The following OTOG variants were observed in gnomAD, a reference collection of about 807,000 sequenced individuals.
OTOG encodes otogelin.
Under a neutral mutation model 313.8 loss-of-function variants are expected in OTOG, and 296 were observed. The ratio of observed to expected loss-of-function variants is 0.94; its 90% CI spans 0.86 to 1.04. The LOEUF is 1.04. OTOG is among the 50% of genes least tolerant of loss of function. The pLI is 0.00. For synonymous variants in OTOG, 1,533 were observed against 1,554.9 expected (o/e 0.99, Z 0.33); for missense variants, 3,948 against 3,840.1 (o/e 1.03, Z -0.74).
At chr11:17,586,121 G>T (rs1188580860) in intron 23 of OTOG, among the ~76,000 whole-genome samples, 1 of 152,182 alleles carries the variant, frequency 6.6e-6, no homozygotes, top group Non-Finnish European at 1.5e-5. Context: ...AACAACCTGG[G>T]TAGGAGGGTC....
At chr11:17,639,528 TCC>T in intron 49 of OTOG, 65 bp downstream of exon 49, 1 of 1,482,638 alleles carries the variant, frequency 6.7e-7, no homozygotes, top group Non-Finnish European at 9.2e-7. Flanking sequence ...CTCTATCCCC[TCC>T]TCTAGAGAAT....
intron 24 of OTOG, 134 bp from the exon 25 acceptor site, chr11:17,591,316 T>C (rs1852926545): frequency 8.1e-7 from 1 of 1,228,016 alleles, no homozygotes; most frequent in African/African-American, 1.5e-5. Flanking sequence ...AGGCTCCTGT[T>C]AGAGGTTGGT....
chr11:17,607,099 A>G (rs773536784), intron 33 of OTOG, among the ~76,000 whole-genome samples: 1 of 152,228 alleles, frequency 6.6e-6, no homozygotes, highest in African/African-American at 2.4e-5. Context: ...CTTCACCTGT[A>G]GAATGGGGAT....
At chr11:17,603,315 T>G (rs1016489537) in intron 32 of OTOG, among the ~76,000 whole-genome samples, 13 of 152,124 alleles carry the variant, frequency 8.5e-5, no homozygotes, top group African/African-American at 3.1e-4. Flanking sequence ...GATCCCCAGA[T>G]CCATGCATTC....
chr11:17,635,174 C>T lies in OTOG; in HGVS notation c.7680C>T (p.Thr2560=), dbSNP rs1165626554. The T allele has an allele frequency of 3.9e-6, 6 of 1,545,354 alleles. No homozygotes were observed. In the East Asian group the frequency reaches 1.5e-4, roughly 38 times the overall value. ...GCCGCCTGGGGGACTCCTGCTGCAC[C>T]TCCTACTTCTGCGGTGGGTCGCCGC... ...ITGRLGDSCC[T]SYFCACGDCP... The change falls in exon 46 of 56, where the codon ACC becomes ACT. Residue 2560 remains threonine, a synonymous_variant. Coordinates refer to ENST00000399397, the MANE Select transcript of OTOG (RefSeq NM_001292063.2).
intron 32 of OTOG, among the ~76,000 whole-genome samples, chr11:17,604,542 A>G (rs1853334763): frequency 1.3e-5 from 2 of 152,326 alleles, no homozygotes; most frequent in East Asian, 1.9e-4. Context: ...ATCCGCCGTC[A>G]GTGTGACTCT....
rs1432710989 is a variant in OTOG, at chr11:17,609,890, G to C, written c.4590G>C (p.Leu1530=). The change falls in exon 36 of 56, where the codon CTG becomes CTC. Residue 1530 remains leucine, a synonymous_variant. Transcript: ENST00000399397. ...VVSPGPTQTT[L]QQPLELTASQ... ...CTCCAGGCCCCACCCAGACCACCCT[G>C]CAGCAGCCACTGGAGCTCACTGCAT... 6.6e-7 allele frequency: 1 copy of C among 1,514,618 alleles called. No individual in the cohort carries two copies. Among genetic ancestry groups the C allele is most frequent in the East Asian group, 2.5e-5 (1 of 40,526 alleles). The allele number at this position is 1,514,618 out of a possible 1,614,324, so 93.8% of individuals were successfully genotyped here. A position where few individuals can be genotyped will look rare whatever the true frequency, so the allele number is the denominator to read the frequency against.
At chr11:17,609,405 G>A (rs1052501661) in intron 35 of OTOG, among the ~76,000 whole-genome samples, 196 bp downstream of exon 35, 5 of 152,126 alleles carry the variant, frequency 3.3e-5, no homozygotes, top group Non-Finnish European at 5.9e-5. Flanking sequence ...GAGGAGAAAT[G>A]AGGCCCAGAG....
At chr11:17,565,032 G>A (rs1852269505) in intron 15 of OTOG, among the ~76,000 whole-genome samples, 3 of 152,118 alleles carry the variant, frequency 2.0e-5, no homozygotes, top group South Asian at 4.2e-4. Context: ...TCTATCTTAC[G>A]CCCAGTTTCC....
chr11:17,600,353 A>C (rs985176151), intron 31 of OTOG, among the ~76,000 whole-genome samples: 13 of 152,240 alleles, frequency 8.5e-5, no homozygotes, highest in Admixed American at 7.2e-4. Flanking sequence ...CAGTTGGGCC[A>C]GGGTCAGACC....
chr11:17,549,725 A>C (rs1408671645), intron 3 of OTOG, among the ~76,000 whole-genome samples: 3 of 152,162 alleles, frequency 2.0e-5, no homozygotes, highest in African/African-American at 7.2e-5. Context: ...TTTCCAGGGT[A>C]GGCATCCCGC....
intron 39 of OTOG, among the ~76,000 whole-genome samples, chr11:17,622,510 C>T (rs113307709): frequency 3.9e-5 from 6 of 152,152 alleles, no homozygotes; most frequent in Admixed American, 1.3e-4. Context: ...TTAATCATTC[C>T]CATCTCTTCC....
At chr11:17,614,790 C>A (rs777672380) in intron 39 of OTOG, among the ~76,000 whole-genome samples, 1 of 152,056 alleles carries the variant, frequency 6.6e-6, no homozygotes, top group Non-Finnish European at 1.5e-5. Context: ...ATCCATTAAC[C>A]AGTTGAAAGA....
chr11:17,643,480 C>A lies in OTOG; in HGVS notation c.8435C>A (p.Pro2812His). 1 of 1,458,756 alleles carries A rather than the reference C, an allele frequency of 6.9e-7. No homozygotes were observed. Among genetic ancestry groups the A allele is most frequent in the Non-Finnish European group, 9.1e-7 (1 of 1,099,056 alleles). The allele number at this position is 1,458,756 out of a possible 1,614,324, so 90.4% of individuals were successfully genotyped here. A position where few individuals can be genotyped will look rare whatever the true frequency, so the allele number is the denominator to read the frequency against. The change falls in exon 54 of 56, where the codon CCT becomes CAT. Residue 2812 changes from proline to histidine, a missense_variant. Pro to His is a moderately conservative substitution (Grantham distance 77). Coordinates refer to ENST00000399397, the MANE Select transcript of OTOG (RefSeq NM_001292063.2). Reference sequence around the variant, plus strand: ...CTCTAGGTTGGGGGTTCCGTGGTACCTTCCTTGGAAGGATGCTGCAGGACC... The same window carrying A: ...CTCTAGGTTGGGGGTTCCGTGGTACATTCCTTGGAAGGATGCTGCAGGACC... ...ECAKVGGSVVPSLEGCCRTCK... is the reference protein window; with the variant it reads ...ECAKVGGSVVHSLEGCCRTCK...
chr11:17,639,364 AG>A, intron 48 of OTOG, 58 bp from the exon 49 acceptor site: 1 of 1,525,208 alleles, frequency 6.6e-7, no homozygotes, highest in South Asian at 1.2e-5. Flanking sequence ...CAGGGTACCC[AG>A]GGGATTCCTA....
intron 37 of OTOG, 53 bp from the exon 38 acceptor site, chr11:17,612,567 C>A (rs1406743511): frequency 6.6e-6 from 10 of 1,513,106 alleles, no homozygotes; most frequent in African/African-American, 1.4e-5. Flanking sequence ...TCCTAGGCGG[C>A]CTTGGTCTTG....
chr11:17,554,968 A>G (rs955775037), intron 6 of OTOG, among the ~76,000 whole-genome samples: 11 of 152,382 alleles, frequency 7.2e-5, no homozygotes, highest in Non-Finnish European at 8.8e-5. Context: ...TCATGGTCAC[A>G]AAAGCTTGAA....
chr11:17,613,195 T>TTTCTTTCC (rs1401646180), intron 38 of OTOG, among the ~76,000 whole-genome samples: 1 of 65,368 alleles, frequency 1.5e-5, no homozygotes, highest in Middle Eastern at 7.1e-3. Context: ...TCTTTCTTTC[T>TTTCTTTCC]TTTCTTTCTT....
In OTOG at chr11:17,634,132, G is replaced by C. The variant is rs1396532013; in HGVS notation, c.7331G>C (p.Gly2444Ala). The change falls in exon 44 of 56, where the codon GGC becomes GCC. Residue 2444 changes from glycine (G) to alanine (A), a missense_variant. Physicochemically the swap from Gly to Ala is moderately conservative, Grantham distance 60. Transcript: ENST00000399397. ...GAGACCTGGAACAGCTCCCTCAGCGGCTGCTGCCAGCACCAGTGCCAAGCC... is the reference window on the plus strand; with the variant it reads ...GAGACCTGGAACAGCTCCCTCAGCGCCTGCTGCCAGCACCAGTGCCAAGCC... ...LGETWNSSLS[G>A]CCQHQCQAPD... 3 of 1,549,350 alleles carry C rather than the reference G, an allele frequency of 1.9e-6. No homozygotes were observed. In the South Asian group the frequency reaches 3.6e-5, roughly 18 times the overall value.
Sources: allele counts gnomAD v4.1 joint callset (sites outside exome capture counted in the v4.1 genomes callset), GRCh38; gene constraint gnomAD v4.1.1; transcripts MANE v1.5; gene names NCBI Gene and HGNC (gene_info 2026-07-23, HGNC 2026-07-21).